ERC2: variants seen among roughly 807,000 people sequenced by gnomAD.
ERC2 encodes ERC protein 2.
A neutral mutation model predicts 114.8 loss-of-function variants in ERC2; 42 were observed. The observed-to-expected ratio is 0.37, with a 90% CI of 0.29 to 0.47. The LOEUF (loss-of-function observed/expected upper bound fraction) is 0.47. Among genes scored for constraint, ERC2 ranks in the 20% least tolerant of loss-of-function variants. The pLI, the probability that ERC2 is intolerant of heterozygous loss-of-function variation, is 0.99. For missense variants in ERC2, 939 were observed against 1,150.7 expected, an observed-to-expected ratio of 0.82 and a Z score of 2.66; for synonymous variants, 454 against 425.5, an observed-to-expected ratio of 1.07 and a Z score of -0.82.
At chr3:55,559,210 C>A (rs1499887) in intron 17 of ERC2, among the ~76,000 whole-genome samples, 19,833 of 152,232 alleles carry the variant, frequency 0.13, 1,388 homozygotes, top group South Asian at 0.2. Context: ...GACTCCTGAG[C>A]CTTCTGAAAG....
At chr3:56,312,675 T>C (rs1046759266) in intron 2 of ERC2, among the ~76,000 whole-genome samples, 1 of 151,634 alleles carries the variant, frequency 6.6e-6, no homozygotes, top group African/African-American at 2.4e-5. Flanking sequence ...CACTAAACTG[T>C]TTTGCTCATT....
intron 6 of ERC2, among the ~76,000 whole-genome samples, chr3:56,133,262 AC>A (rs2149894900): frequency 6.6e-6 from 1 of 152,220 alleles, no homozygotes; most frequent in East Asian, 1.9e-4. Context: ...ACATGGCAAA[AC>A]CCTGTCTCTA....
At chr3:55,819,103 A>C (rs562393022) in intron 14 of ERC2, among the ~76,000 whole-genome samples, 1 of 152,206 alleles carries the variant, frequency 6.6e-6, no homozygotes, top group Non-Finnish European at 1.5e-5. Context: ...AAGTAAATGC[A>C]TTCAAATAAA....
intron 10 of ERC2, among the ~76,000 whole-genome samples, chr3:56,001,259 G>A (rs1387496255): frequency 1.3e-5 from 2 of 152,112 alleles, no homozygotes; most frequent in African/African-American, 4.8e-5. Flanking sequence ...TCTGTGCCGT[G>A]AGATGTCCTG....
intron 17 of ERC2, among the ~76,000 whole-genome samples, chr3:55,647,556 G>T (rs779829756): frequency 1.4e-4 from 21 of 152,164 alleles, no homozygotes; most frequent in Non-Finnish European, 2.8e-4. Flanking sequence ...ATACAAGTGT[G>T]CTCTGAGCCA....
At chr3:56,185,670 T>C (rs554837791) in intron 3 of ERC2, among the ~76,000 whole-genome samples, 5 of 152,316 alleles carry the variant, frequency 3.3e-5, no homozygotes, top group Admixed American at 2.0e-4. Context: ...GGGTGAAATG[T>C]AGTGGGCAGA....
At chr3:55,880,191 A>T (rs972716741) in intron 14 of ERC2, among the ~76,000 whole-genome samples, 1 of 152,188 alleles carries the variant, frequency 6.6e-6, no homozygotes, top group Non-Finnish European at 1.5e-5. Context: ...GTGCAAGCAA[A>T]TGCTAAAAAT....
chr3:55,899,612 T>G (rs2064025827), intron 13 of ERC2, among the ~76,000 whole-genome samples: 1 of 152,148 alleles, frequency 6.6e-6, no homozygotes, highest in African/African-American at 2.4e-5. Context: ...TATTAAACAC[T>G]AAGCAAAAAG....
intron 17 of ERC2, among the ~76,000 whole-genome samples, chr3:55,675,445 T>C (rs2061741276): frequency 1.3e-5 from 2 of 152,230 alleles, no homozygotes; most frequent in African/African-American, 4.8e-5. Context: ...CTCCAGCCAA[T>C]GGATGCTCCA....
intron 13 of ERC2, among the ~76,000 whole-genome samples, chr3:55,920,411 C>T (rs1210022037): frequency 8.4e-6 from 1 of 119,720 alleles, no homozygotes; most frequent in Non-Finnish European, 1.7e-5. Flanking sequence ...CACAGGCACA[C>T]TAAAACACAC....
intron 13 of ERC2, among the ~76,000 whole-genome samples, chr3:55,906,058 C>T (rs1333519646): frequency 1.3e-5 from 2 of 152,154 alleles, no homozygotes; most frequent in Non-Finnish European, 2.9e-5. Flanking sequence ...TAACTTACTC[C>T]TCCTGTATTT....
chr3:56,282,318 G>C (rs1435161390), intron 3 of ERC2, among the ~76,000 whole-genome samples: 1 of 152,156 alleles, frequency 6.6e-6, no homozygotes, highest in Non-Finnish European at 1.5e-5. Context: ...TAAAATAAGA[G>C]AGGGAAACCA....
At chr3:56,372,329 T>C (rs1576638088) in intron 2 of ERC2, among the ~76,000 whole-genome samples, 4 of 152,332 alleles carry the variant, frequency 2.6e-5, no homozygotes, top group Admixed American at 2.6e-4. Flanking sequence ...GCACAATTTC[T>C]AAATACTTCA....
chr3:56,323,940 A>C (rs2057242249), intron 2 of ERC2, among the ~76,000 whole-genome samples: 1 of 151,706 alleles, frequency 6.6e-6, no homozygotes. Context: ...ATTAGAGTAG[A>C]AAAAAAAAGA....
intron 15 of ERC2, among the ~76,000 whole-genome samples, chr3:55,711,410 T>C (rs1176190963): frequency 6.6e-6 from 1 of 152,190 alleles, no homozygotes; most frequent in Non-Finnish European, 1.5e-5. Flanking sequence ...TTCTAAAAAA[T>C]TTTGTGCTTA....
chr3:56,369,755 C>T (rs11713347), intron 2 of ERC2, among the ~76,000 whole-genome samples: 38,092 of 151,860 alleles, frequency 0.25, 5,080 homozygotes, highest in Non-Finnish European at 0.29. Context: ...CAGCTCACTG[C>T]AACCTCTGCC....
chr3:56,430,493 A>G (rs1356337591), intron 2 of ERC2, among the ~76,000 whole-genome samples: 1 of 152,176 alleles, frequency 6.6e-6, no homozygotes, highest in Admixed American at 6.5e-5. Flanking sequence ...TTTTAAGAAA[A>G]CACATCATGA....
chr3:56,123,696 T>C (rs1575506083), intron 6 of ERC2, among the ~76,000 whole-genome samples: 1 of 152,186 alleles, frequency 6.6e-6, no homozygotes, highest in Admixed American at 6.5e-5. Flanking sequence ...GAGTGGTTGG[T>C]CTTTTAAGAA....
At chr3:56,022,016 A>T (rs867361591) in intron 7 of ERC2, among the ~76,000 whole-genome samples, 2 of 152,226 alleles carry the variant, frequency 1.3e-5, no homozygotes, top group South Asian at 4.1e-4. Context: ...TATTGTGAAC[A>T]GTGCTGCAAC....
Sources: gnomAD v4.1 joint callset for allele counts (sites outside exome capture counted in the v4.1 genomes callset) on GRCh38, gnomAD v4.1.1 for gene constraint, MANE v1.5 for transcripts, NCBI Gene and HGNC (gene_info 2026-07-23, HGNC 2026-07-21) for gene names.